Variants in LRFN5 observed in about 807,000 individuals in gnomAD.
LRFN5 encodes the protein leucine rich repeat and fibronectin type III domain containing 5.
LRFN5 carries 24 observed loss-of-function variants against 45.6 expected under a neutral mutation model. That is an observed-to-expected ratio of 0.53 (90% CI 0.38 to 0.74). LRFN5 has a LOEUF of 0.74. Ranked by LOEUF, LRFN5 falls within the 30% of genes least tolerant of loss-of-function variation. The probability of loss-of-function intolerance (pLI) is 0.00; values close to 1 mark genes in which losing one functional copy is unlikely to be tolerated. For synonymous variants in LRFN5, 340 were observed against 313.8 expected (o/e 1.08, Z -0.88); for missense variants, 776 against 861.5 (o/e 0.90, Z 1.24).
At chr14:41,823,344 C>G (rs74045456) in intron 2 of LRFN5, among the ~76,000 whole-genome samples, 1,889 of 151,798 alleles carry the variant, frequency 0.012, 38 homozygotes, top group African/African-American at 0.043. Flanking sequence ...GATGAATTCC[C>G]TTAGCATTCG....
At chr14:41,870,308 T>A (rs1889974502) in intron 2 of LRFN5, among the ~76,000 whole-genome samples, 1 of 152,278 alleles carries the variant, frequency 6.6e-6, no homozygotes, top group East Asian at 1.9e-4. Flanking sequence ...CTTCAAACGA[T>A]TTGCCCAATA....
intron 1 of LRFN5, among the ~76,000 whole-genome samples, chr14:41,612,937 A>T (rs955173448): frequency 2.6e-5 from 4 of 151,074 alleles, no homozygotes; most frequent in African/African-American, 9.9e-5. Flanking sequence ...GTTGTGAAAG[A>T]TACTGTGTTG....
intron 1 of LRFN5, among the ~76,000 whole-genome samples, chr14:41,671,397 A>G (rs1308614975): frequency 1.3e-5 from 2 of 152,110 alleles, no homozygotes; most frequent in Non-Finnish European, 2.9e-5. Flanking sequence ...TTGCTCTGAC[A>G]TCTTTCTAGC....
At chr14:41,759,448 TACACACACACACACACACACAC>T (rs569216156) in intron 1 of LRFN5, among the ~76,000 whole-genome samples, 119 of 109,746 alleles carry the variant, frequency 1.1e-3, no homozygotes, top group East Asian at 5.6e-3. Flanking sequence ...TCTCTCTCTC[TACACACACACACACACACACAC>T]ACACACACAC....
At chr14:41,711,969 A>G (rs989549482) in intron 1 of LRFN5, among the ~76,000 whole-genome samples, 3 of 152,222 alleles carry the variant, frequency 2.0e-5, no homozygotes, top group African/African-American at 7.2e-5. Context: ...GAAAAGAGCT[A>G]AATGACACTT....
Position 41,886,911 on chromosome 14 carries a change from G to A in LRFN5, c.286G>A (p.Ala96Thr), listed in dbSNP as rs190113136. Residue 96 changes from alanine to threonine, a missense_variant, in exon 3 of 6, where the codon GCT (alanine) becomes ACT (threonine). Transcript: ENST00000298119. ...AAGTTTTATTACACCTCATGCTTTC[G>A]CTGACCTACGAAATTTGAGGGCTTT... ...TISFITPHAF[A>T]DLRNLRALHL... 47 of 1,614,170 alleles carry A rather than the reference G, an allele frequency of 2.9e-5. No homozygotes were observed. The highest frequency in any genetic ancestry group is 4.4e-5 in the South Asian group (4 of 91,084).
chr14:41,871,815 CT>C (rs1000217014), intron 2 of LRFN5, among the ~76,000 whole-genome samples: 36 of 152,088 alleles, frequency 2.4e-4, no homozygotes, highest in Non-Finnish European at 4.4e-4. Flanking sequence ...CACAGTCCAA[CT>C]TTTTTTACTA....
intron 1 of LRFN5, among the ~76,000 whole-genome samples, chr14:41,757,107 T>C (rs539086434): frequency 6.6e-6 from 1 of 152,314 alleles, no homozygotes; most frequent in South Asian, 2.1e-4. Context: ...TGCCTGATCG[T>C]TCCTCTGGAA....
chr14:41,684,615 G>A lies in LRFN5; in HGVS notation c.-197+76053G>A, dbSNP rs1316328608. ...ATTACAATTCAAAATGAGATTTTGGGTGAGGACACAGCCAAACCATATCAC... is the reference window on the plus strand; with the variant it reads ...ATTACAATTCAAAATGAGATTTTGGATGAGGACACAGCCAAACCATATCAC... On this transcript the variant is annotated intron_variant, in intron 1 of 5. Transcript: ENST00000298119. 2.0e-5 allele frequency among the ~76,000 whole-genome samples: 3 copies of A among 152,134 alleles called. No homozygotes were observed. In the East Asian group the frequency reaches 5.8e-4, roughly 29 times the overall value.
intron 2 of LRFN5, among the ~76,000 whole-genome samples, chr14:41,815,236 C>T (rs1887876218): frequency 6.6e-6 from 1 of 152,056 alleles, no homozygotes; most frequent in Non-Finnish European, 1.5e-5. Context: ...CAGGTACATG[C>T]ATGTTAATAA....
At chr14:41,707,976 A>G (rs927923385) in intron 1 of LRFN5, among the ~76,000 whole-genome samples, 1 of 152,246 alleles carries the variant, frequency 6.6e-6, no homozygotes, top group Admixed American at 6.5e-5. Flanking sequence ...AAATATTTAT[A>G]CATGTTAACT....
chr14:41,792,551 T>C (rs984559376), intron 2 of LRFN5, among the ~76,000 whole-genome samples: 1 of 150,514 alleles, frequency 6.6e-6, no homozygotes, highest in Non-Finnish European at 1.5e-5. Flanking sequence ...TCCCAGAGTA[T>C]TAATATTAAT....
chr14:41,795,369 A>T (rs12889396), intron 2 of LRFN5, among the ~76,000 whole-genome samples: 5 of 151,944 alleles, frequency 3.3e-5, no homozygotes, highest in South Asian at 4.1e-4. Flanking sequence ...GTCAGTGTGG[A>T]GATTCCTCAG....
At chr14:41,623,060 G>A (rs1259493149) in intron 1 of LRFN5, among the ~76,000 whole-genome samples, 1 of 152,090 alleles carries the variant, frequency 6.6e-6, no homozygotes, top group African/African-American at 2.4e-5. Context: ...TGAGATCTAG[G>A]TCAGTTTGAG....
At chr14:41,752,258 A>G (rs1178624894) in intron 1 of LRFN5, among the ~76,000 whole-genome samples, 1 of 152,176 alleles carries the variant, frequency 6.6e-6, no homozygotes, top group East Asian at 1.9e-4. Context: ...AGCATGTTTT[A>G]TAATCCTTTG....
chr14:41,781,616 GAGA>G (rs1886517218), intron 2 of LRFN5, among the ~76,000 whole-genome samples: 1 of 59,638 alleles, frequency 1.7e-5, no homozygotes, highest in African/African-American at 8.9e-5. Flanking sequence ...AAGAAAGAAA[GAGA>G]AAGAAAGAAA....
intron 1 of LRFN5, among the ~76,000 whole-genome samples, chr14:41,628,104 C>A (rs1594562877): frequency 6.6e-6 from 1 of 152,056 alleles, no homozygotes; most frequent in Non-Finnish European, 1.5e-5. Flanking sequence ...GGTGAAAACT[C>A]TAGGAAGAGA....
At chr14:41,686,162 T>G (rs1413873639) in intron 1 of LRFN5, among the ~76,000 whole-genome samples, 2 of 152,050 alleles carry the variant, frequency 1.3e-5, no homozygotes, top group African/African-American at 4.8e-5. Flanking sequence ...TTTGTAGTTC[T>G]CCTTGAAGAG....
At chr14:41,781,021 T>C (rs1886462255) in intron 2 of LRFN5, among the ~76,000 whole-genome samples, 1 of 152,206 alleles carries the variant, frequency 6.6e-6, no homozygotes, top group African/African-American at 2.4e-5. Context: ...TTTCACTTTA[T>C]GCTATATTCA....
Sources: allele counts gnomAD v4.1 joint callset (sites outside exome capture counted in the v4.1 genomes callset), GRCh38; gene constraint gnomAD v4.1.1; transcripts MANE v1.5; gene names NCBI Gene and HGNC (gene_info 2026-07-23, HGNC 2026-07-21).